The following ASTN2 variants were observed in gnomAD, a reference collection of about 807,000 sequenced individuals.
The protein encoded by ASTN2 is astrotactin 2, also known as astrotactin-2.
Under a neutral mutation model 139.8 loss-of-function variants are expected in ASTN2, and 54 were observed. That is an observed-to-expected ratio of 0.39 (90% CI 0.31 to 0.48). The LOEUF (loss-of-function observed/expected upper bound fraction) is 0.48. Ranked by LOEUF, ASTN2 falls within the 20% of genes least tolerant of loss-of-function variation. The pLI, the probability that ASTN2 is intolerant of heterozygous loss-of-function variation, is 0.95. For missense variants in ASTN2, 1,565 were observed against 1,725.1 expected, an observed-to-expected ratio of 0.91 and a Z score of 1.64; for synonymous variants, 756 against 719.5, an observed-to-expected ratio of 1.05 and a Z score of -0.81.
chr9:116,643,810 C>T (rs1162170319), intron 17 of ASTN2, among the ~76,000 whole-genome samples: 1 of 152,138 alleles, frequency 6.6e-6, no homozygotes, highest in Non-Finnish European at 1.5e-5. Context: ...CCAGATTCTC[C>T]CTCTCAGAGT....
intron 1 of ASTN2, among the ~76,000 whole-genome samples, chr9:117,316,987 C>T (rs1322274961): frequency 1.3e-5 from 2 of 152,064 alleles, no homozygotes; most frequent in African/African-American, 4.8e-5. Flanking sequence ...CTGTTTAATT[C>T]TCTCTGCTTC....
rs10606650 is a variant in ASTN2, at chr9:116,423,756, CTTTGT to C, written c.*2090_*2094del. ...CCAAGGTTGGAAGAATCTCTTTCTG[CTTTGT>C]TTTCTTTTGTGTTACCCATTTTCCC... On this transcript the variant is annotated 3_prime_UTR_variant, in exon 23 of 23. Coordinates refer to ENST00000313400, the MANE Select transcript of ASTN2 (RefSeq NM_001365068.1). 9.7e-3 allele frequency among the ~76,000 whole-genome samples: 1,476 copies of C among 152,152 alleles called. 32 individuals are homozygous for C. The highest frequency in any genetic ancestry group is 0.034 in the African/African-American group (1,420 of 41,514).
intron 6 of ASTN2, among the ~76,000 whole-genome samples, chr9:117,018,430 C>T (rs1186774426): frequency 1.2e-5 from 1 of 82,236 alleles, no homozygotes; most frequent in African/African-American, 3.3e-5. Context: ...GCAATTCTTC[C>T]CCAAATCTCT....
intron 17 of ASTN2, among the ~76,000 whole-genome samples, chr9:116,630,484 A>G (rs1588112302): frequency 6.6e-6 from 1 of 152,182 alleles, no homozygotes; most frequent in African/African-American, 2.4e-5. Flanking sequence ...CCTCTTCTCC[A>G]AACTGGTCAT....
At chr9:117,049,305 T>C (rs1838845788) in intron 5 of ASTN2, among the ~76,000 whole-genome samples, 1 of 152,138 alleles carries the variant, frequency 6.6e-6, no homozygotes, top group African/African-American at 2.4e-5. Flanking sequence ...CATGCTATAT[T>C]CTGCATGTCC....
Position 117,032,395 on chromosome 9 carries a change from C to T in ASTN2, c.1423+7424G>A, listed in dbSNP as rs1233271279. Among the ~76,000 whole-genome samples, 5 of 152,126 alleles carry T rather than the reference C, an allele frequency of 3.3e-5. No individual in the cohort carries two copies. In the East Asian group the frequency reaches 9.6e-4, roughly 29 times the overall value. Reference sequence around the variant, plus strand: ...ACAGAAGCCATATTGTACAGAACTTCCACCCATAAGCATGTTCCACAGTAT... The same window carrying T: ...ACAGAAGCCATATTGTACAGAACTTTCACCCATAAGCATGTTCCACAGTAT... On this transcript the variant is annotated intron_variant, in intron 6 of 22. Coordinates refer to ENST00000313400, the MANE Select transcript of ASTN2 (RefSeq NM_001365068.1).
At chr9:117,347,832 G>T (rs963936715) in intron 1 of ASTN2, among the ~76,000 whole-genome samples, 10 of 152,154 alleles carry the variant, frequency 6.6e-5, no homozygotes, top group Non-Finnish European at 1.2e-4. Context: ...AGCACTGGAT[G>T]ACAAGGGCAC....
chr9:116,609,744 A>C (rs970346389), intron 19 of ASTN2, among the ~76,000 whole-genome samples: 1 of 152,066 alleles, frequency 6.6e-6, no homozygotes, highest in East Asian at 1.9e-4. Context: ...ATAATTAAGA[A>C]AAAACAATAA....
At chr9:116,757,790 T>C (rs1829574136) in intron 13 of ASTN2, among the ~76,000 whole-genome samples, 1 of 152,164 alleles carries the variant, frequency 6.6e-6, no homozygotes, top group Non-Finnish European at 1.5e-5. Context: ...AGATGGCTGA[T>C]TGGCCCAGTG....
intron 10 of ASTN2, among the ~76,000 whole-genome samples, chr9:116,937,427 T>G (rs1835111598): frequency 6.6e-6 from 1 of 152,208 alleles, no homozygotes; most frequent in Non-Finnish European, 1.5e-5. Context: ...AGATCTCATT[T>G]GGGACTTCAT....
intron 16 of ASTN2, among the ~76,000 whole-genome samples, chr9:116,710,623 C>T (rs901838613): frequency 6.7e-6 from 1 of 149,914 alleles, no homozygotes. Flanking sequence ...CCCAGCTACT[C>T]GGGGAAGTCT....
At chr9:116,816,179 TA>T (rs1831322486) in intron 12 of ASTN2, among the ~76,000 whole-genome samples, 2 of 152,286 alleles carry the variant, frequency 1.3e-5, no homozygotes, top group South Asian at 4.1e-4. Flanking sequence ...GTGAGTAAAA[TA>T]AGTTCTCTTG....
At chr9:117,224,641 C>A (rs1832642200) in intron 2 of ASTN2, among the ~76,000 whole-genome samples, 2 of 152,178 alleles carry the variant, frequency 1.3e-5, no homozygotes, top group Admixed American at 6.5e-5. Flanking sequence ...AGATGAAATA[C>A]ATACATTCTT....
At chr9:116,586,680 A>G (rs184174270) in intron 19 of ASTN2, among the ~76,000 whole-genome samples, 332 of 152,168 alleles carry the variant, frequency 2.2e-3, no homozygotes, top group African/African-American at 6.8e-3. Flanking sequence ...AAAACTACCT[A>G]TTGGGTACTA....
At chr9:117,210,601 CT>C (rs1404646708) in intron 3 of ASTN2, among the ~76,000 whole-genome samples, 1 of 152,082 alleles carries the variant, frequency 6.6e-6, no homozygotes, top group Non-Finnish European at 1.5e-5. Context: ...GACCAGATGG[CT>C]TCACCACTCA....
chr9:116,640,449 T>C (rs1200307125), intron 17 of ASTN2, among the ~76,000 whole-genome samples: 1 of 152,186 alleles, frequency 6.6e-6, no homozygotes. Context: ...AGGAGGATCT[T>C]ATCAAATCTG....
At chr9:117,095,574 A>AT (rs1564423506) in intron 5 of ASTN2, among the ~76,000 whole-genome samples, 1 of 152,142 alleles carries the variant, frequency 6.6e-6, no homozygotes, top group Admixed American at 6.5e-5. Context: ...ATTCTTTCCC[A>AT]TTAACCCTGT....
chr9:116,657,254 T>C (rs545184986), intron 16 of ASTN2, among the ~76,000 whole-genome samples: 1 of 152,312 alleles, frequency 6.6e-6, no homozygotes, highest in Admixed American at 6.5e-5. Context: ...ATCATTAGTG[T>C]GCCCTTTATA....
chr9:116,675,099 C>A (rs374298723), intron 16 of ASTN2, among the ~76,000 whole-genome samples: 2 of 152,276 alleles, frequency 1.3e-5, no homozygotes, highest in Admixed American at 6.5e-5. Context: ...TCAGTGCCCC[C>A]CCACGCTCCA....
Sources: gnomAD v4.1 joint callset for allele counts (sites outside exome capture counted in the v4.1 genomes callset) on GRCh38, gnomAD v4.1.1 for gene constraint, MANE v1.5 for transcripts, NCBI Gene and HGNC (gene_info 2026-07-23, HGNC 2026-07-21) for gene names.